DEUP1: variants seen among roughly 807,000 people sequenced by gnomAD.
The protein encoded by DEUP1 is deuterosome assembly protein 1, also known as coiled-coil domain containing 67.
A neutral mutation model predicts 87.4 loss-of-function variants in DEUP1; 82 were observed. The observed-to-expected ratio is 0.94, with a 90% confidence interval of 0.78 to 1.13. The LOEUF is 1.13. DEUP1 is among the 50% of genes most tolerant of loss of function. DEUP1 has a pLI of 0.00. For missense variants in DEUP1, 663 were observed against 681.5 expected (o/e 0.97, Z 0.30); for synonymous variants, 214 against 222.7 (o/e 0.96, Z 0.35).
intron 5 of DEUP1, among the ~76,000 whole-genome samples, chr11:93,365,422 C>T (rs1945365373): frequency 2.0e-5 from 3 of 152,076 alleles, no homozygotes; most frequent in Admixed American, 6.6e-5. Flanking sequence ...TACAACCAGA[C>T]GGGCTTCAGA....
At chr11:93,393,836 G>A (rs1439118077) in intron 9 of DEUP1, among the ~76,000 whole-genome samples, 3 of 152,204 alleles carry the variant, frequency 2.0e-5, no homozygotes, top group South Asian at 2.1e-4. Context: ...GCCTGACCAG[G>A]TTTGGGAGGA....
chr11:93,419,833 A>T (rs565975538), intron 13 of DEUP1, among the ~76,000 whole-genome samples: 1 of 151,486 alleles, frequency 6.6e-6, no homozygotes, highest in Non-Finnish European at 1.5e-5. Flanking sequence ...AATAAAAATA[A>T]ACAAAACACC....
At chr11:93,410,228 C>T (rs1947396687) in intron 12 of DEUP1, among the ~76,000 whole-genome samples, 1 of 152,012 alleles carries the variant, frequency 6.6e-6, no homozygotes, top group Admixed American at 6.6e-5. Flanking sequence ...GGTAAAGAAG[C>T]GAATGAAGGA....
intron 9 of DEUP1, among the ~76,000 whole-genome samples, chr11:93,389,975 G>C (rs1192690381): frequency 3.9e-5 from 6 of 152,218 alleles, no homozygotes; most frequent in African/African-American, 1.4e-4. Flanking sequence ...TAAAGAGCTT[G>C]TGGTTCTTTA....
intron 5 of DEUP1, among the ~76,000 whole-genome samples, chr11:93,364,871 T>C (rs890517423): frequency 6.6e-6 from 1 of 152,096 alleles, no homozygotes; most frequent in South Asian, 2.1e-4. Flanking sequence ...AAAAATACAC[T>C]GTGTCGTTGA....
In DEUP1 at chr11:93,436,583, G is replaced by T. The variant is rs1591286087; in HGVS notation, c.1639-960G>T. ...CACAGCAGCTACAGTTGGGCCTACTGGTTGGAAAAGTGTGCAGTACTCCAT... is the reference window on the plus strand; with the variant it reads ...CACAGCAGCTACAGTTGGGCCTACTTGTTGGAAAAGTGTGCAGTACTCCAT... On this transcript the variant is annotated intron_variant, in intron 13 of 13. Coordinates refer to ENST00000298050, the MANE Select transcript of DEUP1 (RefSeq NM_181645.4). Among the ~76,000 whole-genome samples the T allele has an allele frequency of 2.0e-5, 3 of 152,186 alleles. No homozygotes were observed. In the South Asian group the frequency reaches 6.2e-4, roughly 32 times the overall value.
intron 11 of DEUP1, among the ~76,000 whole-genome samples, chr11:93,405,892 A>G (rs973672154): frequency 3.3e-5 from 5 of 151,882 alleles, no homozygotes; most frequent in African/African-American, 1.2e-4. Context: ...TTCGAAAAAG[A>G]TGTTTTACTC....
chr11:93,364,649 G>A (rs1945325643), intron 5 of DEUP1, among the ~76,000 whole-genome samples: 1 of 151,990 alleles, frequency 6.6e-6, no homozygotes, highest in South Asian at 2.1e-4. Context: ...TAGCTATTAG[G>A]TAGTTAAATC....
At position 93,363,076 on chromosome 11, in the gene DEUP1, G is replaced by A. The variant is rs1410423153; in HGVS notation, c.298-1084G>A. ...TGGAATACTATTCAGCACTAAAAAG[G>A]AATTCATGCATGGCTTTCACATTAA... On this transcript the variant is annotated intron_variant, in intron 4 of 13. Coordinates refer to ENST00000298050, the MANE Select transcript of DEUP1 (RefSeq NM_181645.4). 4.6e-5 allele frequency among the ~76,000 whole-genome samples: 7 copies of A among 151,728 alleles called. No homozygotes were observed. In the South Asian group the frequency reaches 1.2e-3, roughly 27 times the overall value.
chr11:93,412,521 T>C (rs1169666465), intron 12 of DEUP1, among the ~76,000 whole-genome samples: 1 of 152,196 alleles, frequency 6.6e-6, no homozygotes, highest in African/African-American at 2.4e-5. Flanking sequence ...CTACATTTTA[T>C]TGATCTTACA....
chr11:93,435,537 T>C (rs950833194), intron 13 of DEUP1, among the ~76,000 whole-genome samples: 1 of 152,178 alleles, frequency 6.6e-6, no homozygotes, highest in Non-Finnish European at 1.5e-5. Flanking sequence ...GCAACACAGC[T>C]TTCCCGATGA....
intron 9 of DEUP1, among the ~76,000 whole-genome samples, chr11:93,391,523 T>C (rs1946764772): frequency 2.0e-5 from 3 of 151,698 alleles, no homozygotes; most frequent in Non-Finnish European, 4.4e-5. Flanking sequence ...TCCTGGCCAA[T>C]ATGGTGAAAC....
chr11:93,341,431 GTAAGT>G (rs1944069321), intron 2 of DEUP1, among the ~76,000 whole-genome samples: 1 of 152,132 alleles, frequency 6.6e-6, no homozygotes, highest in African/African-American at 2.4e-5. Flanking sequence ...ATGTGGAACT[GTAAGT>G]TCAATTAAAC....
At chr11:93,410,283 G>A (rs1383340339) in intron 12 of DEUP1, among the ~76,000 whole-genome samples, 1 of 152,146 alleles carries the variant, frequency 6.6e-6, no homozygotes, top group East Asian at 1.9e-4. Context: ...GGGTGCTGTG[G>A]TGGGGTGTTG....
intron 2 of DEUP1, among the ~76,000 whole-genome samples, chr11:93,351,987 T>C (rs561666025): frequency 6.6e-6 from 1 of 152,316 alleles, no homozygotes; most frequent in Admixed American, 6.5e-5. Flanking sequence ...ACTGTGTCTT[T>C]TGCTGTGTGG....
intron 11 of DEUP1, among the ~76,000 whole-genome samples, chr11:93,405,510 G>A (rs1367094193): frequency 1.3e-5 from 2 of 151,912 alleles, no homozygotes; most frequent in Non-Finnish European, 2.9e-5. Context: ...TTGATTTGTG[G>A]AAAAGTTTGC....
At chr11:93,370,421 A>G (rs1292937685) in intron 6 of DEUP1, among the ~76,000 whole-genome samples, 1 of 152,216 alleles carries the variant, frequency 6.6e-6, no homozygotes, top group Non-Finnish European at 1.5e-5. Context: ...ATTAAATAGC[A>G]TATGTTTTTG....
rs114674943 is a variant in DEUP1, at chr11:93,434,422, C to T, written c.1639-3121C>T. Among the ~76,000 whole-genome samples, 1,161 of 152,286 alleles carry T rather than the reference C, an allele frequency of 7.6e-3. 15 individuals carry two copies. The highest frequency in any genetic ancestry group is 0.027 in the African/African-American group (1,119 of 41,556). ...TTTGCCAATTAAAATTAAAATTGGG[C>T]ATGAGAGTACCAAAAGATGCCTCAG... On this transcript the variant is annotated intron_variant, in intron 13 of 13. Transcript: ENST00000298050.
intron 2 of DEUP1, among the ~76,000 whole-genome samples, chr11:93,334,104 C>G (rs1160696936): frequency 6.6e-6 from 1 of 152,120 alleles, no homozygotes; most frequent in Admixed American, 6.6e-5. Context: ...AGAGGTTTTC[C>G]TGAGGTACTG....
Sources: gnomAD v4.1 joint callset for allele counts (sites outside exome capture counted in the v4.1 genomes callset) on GRCh38, gnomAD v4.1.1 for gene constraint, MANE v1.5 for transcripts, NCBI Gene and HGNC (gene_info 2026-07-23, HGNC 2026-07-21) for gene names.